ZNF704: variants seen among roughly 807,000 people sequenced by gnomAD.
ZNF704 encodes zinc finger protein 704.
ZNF704 carries 10 observed loss-of-function variants against 44.7 expected under a neutral mutation model. That is an observed-to-expected ratio of 0.22 (90% CI 0.14 to 0.38). ZNF704 has a LOEUF of 0.38. ZNF704 is among the 10% of genes least tolerant of loss of function. The pLI is 1.00. For synonymous variants in ZNF704, 211 were observed against 207.6 expected, an observed-to-expected ratio of 1.02 and a Z score of -0.14; for missense variants, 390 against 545.5, an observed-to-expected ratio of 0.71 and a Z score of 2.84.
intron 2 of ZNF704, among the ~76,000 whole-genome samples, chr8:80,753,140 T>C (rs1010720598): frequency 1.3e-5 from 2 of 152,230 alleles, no homozygotes; most frequent in Admixed American, 1.3e-4. Context: ...TGTTTCATTA[T>C]ACTCCTAAAT....
intron 2 of ZNF704, among the ~76,000 whole-genome samples, chr8:80,787,495 G>T (rs1030464361): frequency 2.6e-5 from 4 of 152,086 alleles, no homozygotes; most frequent in African/African-American, 9.7e-5. Context: ...CCTGTGGAGG[G>T]TAACTGCATT....
At chr8:80,760,642 G>A (rs575104401) in intron 2 of ZNF704, among the ~76,000 whole-genome samples, 12 of 129,008 alleles carry the variant, frequency 9.3e-5, no homozygotes, top group Admixed American at 2.6e-4. Flanking sequence ...GTGACAGAGC[G>A]AGACTCCATC....
chr8:80,843,546 C>T (rs1205295670), intron 1 of ZNF704, among the ~76,000 whole-genome samples: 1 of 152,192 alleles, frequency 6.6e-6, no homozygotes, highest in Non-Finnish European at 1.5e-5. Context: ...CAGCCAGAAA[C>T]ATGTACATTC....
At chr8:80,786,965 G>A (rs919729100) in intron 2 of ZNF704, among the ~76,000 whole-genome samples, 26 of 152,212 alleles carry the variant, frequency 1.7e-4, no homozygotes, top group African/African-American at 5.5e-4. Context: ...GTAAGTCCGT[G>A]TTAGTTGTTA....
Position 80,823,182 on chromosome 8 carries a change from C to T in ZNF704, c.-21-1567G>A, listed in dbSNP as rs138986138. On this transcript the variant is annotated intron_variant, in intron 1 of 8. Transcript: ENST00000327835. ...ATTCCCTTTCCTAGCCAAGGGAAGC[C>T]GTGACAGATGGTACCTGGAAAATCA... Among the ~76,000 whole-genome samples the T allele has an allele frequency of 2.6e-3, 403 of 152,258 alleles. 3 individuals carry two copies. The highest frequency in any genetic ancestry group is 9.1e-3 in the African/African-American group (379 of 41,542).
chr8:80,668,810 C>T (rs931694966), intron 5 of ZNF704, among the ~76,000 whole-genome samples: 4 of 152,172 alleles, frequency 2.6e-5, no homozygotes, highest in Non-Finnish European at 4.4e-5. Context: ...CCCCATCATC[C>T]TACAGCCATG....
At chr8:80,691,422 A>G (rs945690902) in intron 3 of ZNF704, among the ~76,000 whole-genome samples, 1 of 152,144 alleles carries the variant, frequency 6.6e-6, no homozygotes, top group Non-Finnish European at 1.5e-5. Context: ...TTAATGCGTG[A>G]CCTTCTGAAG....
At chr8:80,863,619 A>T (rs1809105807) in intron 1 of ZNF704, among the ~76,000 whole-genome samples, 1 of 152,224 alleles carries the variant, frequency 6.6e-6, no homozygotes, top group South Asian at 2.1e-4. Context: ...GTTATCAAGA[A>T]GATCAAGTAA....
chr8:80,689,033 C>A (rs1025159540), intron 3 of ZNF704, among the ~76,000 whole-genome samples: 3 of 151,222 alleles, frequency 2.0e-5, no homozygotes, highest in Admixed American at 6.6e-5. Flanking sequence ...TTTCAAGATG[C>A]ACGACCTTAA....
At chr8:80,663,404 A>C (rs1187327232) in intron 6 of ZNF704, among the ~76,000 whole-genome samples, 6 of 151,666 alleles carry the variant, frequency 4.0e-5, no homozygotes, top group Admixed American at 6.6e-5. Context: ...GCAGGAAAAA[A>C]GGGAGTTTTA....
At chr8:80,884,403 T>G in the ZNF704 span, among the ~76,000 whole-genome samples, 2 of 152,194 alleles carry the variant, frequency 1.3e-5, no homozygotes, top group Admixed American at 1.3e-4. Context: ...ATTATCCTCA[T>G]GCCCCCAGTG....
chr8:80,693,312 G>C (rs1818671096), intron 2 of ZNF704, among the ~76,000 whole-genome samples: 1 of 152,218 alleles, frequency 6.6e-6, no homozygotes, highest in African/African-American at 2.4e-5. Context: ...AGGAAGACAA[G>C]GATTCCATCA....
chr8:80,644,791 C>T, intron 7 of ZNF704: 1 of 605,574 alleles, frequency 1.7e-6, no homozygotes, highest in South Asian at 1.9e-5. Context: ...AAAGCAGTTA[C>T]CAGCACATTC....
chr8:80,680,161 C>T (rs1818430881), intron 4 of ZNF704, among the ~76,000 whole-genome samples: 1 of 152,086 alleles, frequency 6.6e-6, no homozygotes, highest in African/African-American at 2.4e-5. Context: ...CTGAAGGTCA[C>T]CTTCAGTTCC....
intron 2 of ZNF704, among the ~76,000 whole-genome samples, chr8:80,711,646 G>A (rs1000643951): frequency 6.6e-6 from 1 of 152,136 alleles, no homozygotes; most frequent in Non-Finnish European, 1.5e-5. Context: ...TGTTTTATAA[G>A]GTTTTCCAGG....
chr8:80,684,250 G>A (rs1818498608), intron 4 of ZNF704, among the ~76,000 whole-genome samples: 1 of 152,128 alleles, frequency 6.6e-6, no homozygotes, highest in South Asian at 2.1e-4. Flanking sequence ...AAGAACAGAA[G>A]CTTCCAAACT....
At chr8:80,871,902 A>G (rs999670102) in intron 1 of ZNF704, among the ~76,000 whole-genome samples, 7 of 152,266 alleles carry the variant, frequency 4.6e-5, no homozygotes, top group African/African-American at 1.7e-4. Flanking sequence ...CCATTTTGAA[A>G]GAATTTAAAG....
chr8:80,800,292 A>T (rs1405996598), intron 2 of ZNF704, among the ~76,000 whole-genome samples: 1 of 152,218 alleles, frequency 6.6e-6, no homozygotes, highest in Admixed American at 6.5e-5. Flanking sequence ...AAGACAGGCC[A>T]ACATTCAAAT....
intron 2 of ZNF704, chr8:80,812,383 G>T: frequency 5.9e-6 from 1 of 169,006 alleles, no homozygotes; most frequent in South Asian, 1.6e-4. Context: ...TCAATGGATA[G>T]GCCAGCATGT....
Sources: allele counts gnomAD v4.1 joint callset (sites outside exome capture counted in the v4.1 genomes callset), GRCh38; gene constraint gnomAD v4.1.1; transcripts MANE v1.5; gene names NCBI Gene and HGNC (gene_info 2026-07-23, HGNC 2026-07-21).